Variants in NEGR1 observed in about 807,000 individuals in gnomAD.
NEGR1 encodes the protein IgLON family member 4.
NEGR1 carries 10 observed loss-of-function variants against 40.9 expected under a neutral mutation model. The observed-to-expected ratio is 0.24, with a 90% confidence interval of 0.15 to 0.42. The LOEUF (loss-of-function observed/expected upper bound fraction) is 0.42. Ranked by LOEUF, NEGR1 falls within the 10% of genes least tolerant of loss-of-function variation. The probability of loss-of-function intolerance (pLI) is 1.00; values close to 1 mark genes in which losing one functional copy is unlikely to be tolerated. For missense variants in NEGR1, 352 were observed against 438.9 expected, an observed-to-expected ratio of 0.80 and a Z score of 1.77; for synonymous variants, 185 against 166.8, an observed-to-expected ratio of 1.11 and a Z score of -0.84.
In NEGR1 at chr1:72,247,830, G is replaced by T. The variant is rs1654949783; in HGVS notation, c.176+34489C>A. Among the ~76,000 whole-genome samples the T allele has an allele frequency of 2.6e-5, 4 of 152,262 alleles. 1 individual carries two copies. The South Asian group carries it at 8.3e-4, about 32-fold the overall frequency. On this transcript the variant is annotated intron_variant, in intron 1 of 6. Transcript: ENST00000357731. ...TGTGTTGCTAGAAAGAAATACCTGA[G>T]ACTGAGTAATTTATAAAGAGGAGGG...
chr1:71,931,032 T>A (rs1012219607), intron 2 of NEGR1, among the ~76,000 whole-genome samples: 6 of 152,184 alleles, frequency 3.9e-5, no homozygotes, highest in African/African-American at 1.4e-4. Context: ...CCCGGAATGT[T>A]GTCTTCTAAC....
intron 2 of NEGR1, among the ~76,000 whole-genome samples, chr1:71,796,365 T>C (rs1657324811): frequency 1.3e-5 from 2 of 152,058 alleles, no homozygotes; most frequent in South Asian, 4.1e-4. Flanking sequence ...ATCAACTAGG[T>C]TTTGTGTGTG....
chr1:72,100,670 T>C (rs564284878), intron 1 of NEGR1: 1 of 152,216 alleles, frequency 6.6e-6, no homozygotes, highest in Non-Finnish European at 1.5e-5. Flanking sequence ...GTGTCTCATA[T>C]GATAGGGAAC....
intron 1 of NEGR1, among the ~76,000 whole-genome samples, chr1:71,938,199 C>A (rs1223477440): frequency 6.6e-6 from 1 of 151,944 alleles, no homozygotes; most frequent in Non-Finnish European, 1.5e-5. Flanking sequence ...AAATGTTCTA[C>A]ATTATTATGT....
At chr1:71,818,859 C>CA (rs1557664540) in intron 2 of NEGR1, among the ~76,000 whole-genome samples, 2 of 151,788 alleles carry the variant, frequency 1.3e-5, no homozygotes, top group South Asian at 4.1e-4. Flanking sequence ...AGGAGCAAAA[C>CA]AAAAAATGTT....
At chr1:71,582,430 T>C (rs904705406) in intron 6 of NEGR1, among the ~76,000 whole-genome samples, 11 of 152,196 alleles carry the variant, frequency 7.2e-5, no homozygotes, top group African/African-American at 2.7e-4. Flanking sequence ...ATATATTTTT[T>C]TAACTTTTGC....
intron 1 of NEGR1, among the ~76,000 whole-genome samples, chr1:72,066,581 T>A (rs1015676070): frequency 7.2e-5 from 11 of 152,114 alleles, no homozygotes; most frequent in African/African-American, 2.7e-4. Context: ...GTCATAAGCT[T>A]GGGCTGTAAT....
At chr1:71,878,886 T>C (rs1220330808) in intron 2 of NEGR1, among the ~76,000 whole-genome samples, 2 of 152,268 alleles carry the variant, frequency 1.3e-5, no homozygotes, top group East Asian at 3.9e-4. Context: ...CAGATTGCAG[T>C]GTATGAGATG....
intron 3 of NEGR1, among the ~76,000 whole-genome samples, chr1:71,743,577 A>G (rs1206947393): frequency 6.6e-6 from 1 of 152,172 alleles, no homozygotes; most frequent in Non-Finnish European, 1.5e-5. Context: ...CTATACTGAA[A>G]ATGGAACCTT....
chr1:71,561,097 A>T (rs1648442836), intron 6 of NEGR1, among the ~76,000 whole-genome samples: 1 of 151,596 alleles, frequency 6.6e-6, no homozygotes, highest in Non-Finnish European at 1.5e-5. Context: ...CCTAACCATG[A>T]TCATGAAATC....
At chr1:71,969,655 T>G (rs1217203657) in intron 1 of NEGR1, among the ~76,000 whole-genome samples, 2 of 152,212 alleles carry the variant, frequency 1.3e-5, no homozygotes, top group Non-Finnish European at 2.9e-5. Flanking sequence ...TCTTAATTAT[T>G]ACAACATGAT....
At chr1:71,938,278 C>T (rs1259051758) in intron 1 of NEGR1, among the ~76,000 whole-genome samples, 1 of 151,952 alleles carries the variant, frequency 6.6e-6, no homozygotes, top group African/African-American at 2.4e-5. Flanking sequence ...TCTACGTAGA[C>T]TTGGCTATGT....
At chr1:71,502,228 T>A (rs1021625294) in intron 6 of NEGR1, among the ~76,000 whole-genome samples, 1 of 151,856 alleles carries the variant, frequency 6.6e-6, no homozygotes, top group Non-Finnish European at 1.5e-5. Flanking sequence ...GGGAAGAAAG[T>A]TTCACTATCA....
chr1:71,787,464 G>C (rs536524430), intron 2 of NEGR1, among the ~76,000 whole-genome samples: 1 of 152,156 alleles, frequency 6.6e-6, no homozygotes, highest in African/African-American at 2.4e-5. Context: ...GGGCCAGGTA[G>C]AGAGCACCTG....
intron 1 of NEGR1, among the ~76,000 whole-genome samples, chr1:71,963,025 T>C (rs1646179229): frequency 6.6e-6 from 1 of 152,062 alleles, no homozygotes; most frequent in Admixed American, 6.6e-5. Flanking sequence ...AACAGAATTG[T>C]TTTCTATGTT....
At chr1:71,851,662 A>G (rs1659605650) in intron 2 of NEGR1, among the ~76,000 whole-genome samples, 2 of 152,132 alleles carry the variant, frequency 1.3e-5, no homozygotes. Context: ...GATTGGAGGA[A>G]GAGATTACTT....
intron 6 of NEGR1, among the ~76,000 whole-genome samples, chr1:71,425,674 A>C (rs2101285907): frequency 6.6e-6 from 1 of 152,242 alleles, no homozygotes; most frequent in Admixed American, 6.5e-5. Context: ...AAAATATCTG[A>C]GTCGGAACAC....
At chr1:71,868,436 A>AAGAT (rs59923029) in intron 2 of NEGR1, among the ~76,000 whole-genome samples, 1,601 of 149,872 alleles carry the variant, frequency 0.011, 12 homozygotes, top group East Asian at 0.05. Context: ...TAGATGATAG[A>AAGAT]AGATAGATAG....
intron 1 of NEGR1, among the ~76,000 whole-genome samples, chr1:72,099,297 GCTTTTCCTAT>G (rs1648837989): frequency 6.6e-6 from 1 of 151,830 alleles, no homozygotes; most frequent in Non-Finnish European, 1.5e-5. Flanking sequence ...GAATACAATT[GCTTTTCCTAT>G]CCTAGCTTAC....
Sources: allele counts gnomAD v4.1 joint callset (sites outside exome capture counted in the v4.1 genomes callset), GRCh38; gene constraint gnomAD v4.1.1; transcripts MANE v1.5; gene names NCBI Gene and HGNC (gene_info 2026-07-23, HGNC 2026-07-21).